Variants in SYNE2 observed in about 807,000 individuals in gnomAD.
SYNE2 encodes nesprin-2.
In SYNE2, 431 loss-of-function variants were observed where a neutral mutation model predicts 856.3. That is an observed-to-expected ratio of 0.50 (90% CI 0.47 to 0.55). The LOEUF (loss-of-function observed/expected upper bound fraction) is 0.55, where lower values mean the gene tolerates loss of function less well. Ranked by LOEUF, SYNE2 falls within the 20% of genes least tolerant of loss-of-function variation. SYNE2 has a pLI of 0.00. For missense variants in SYNE2, 8,129 were observed against 8,023.2 expected (o/e 1.01, Z -0.50); for synonymous variants, 2,923 against 2,872.3 (o/e 1.02, Z -0.56).
chr14:63,900,554 G>A (rs1338478906), intron 1 of SYNE2, among the ~76,000 whole-genome samples: 1 of 152,118 alleles, frequency 6.6e-6, no homozygotes, highest in African/African-American at 2.4e-5. Flanking sequence ...CCCCCACTAG[G>A]TTCCTCCCAT....
Position 64,191,136 on chromosome 14 carries a change from CTTATTATTTAAAT to C in SYNE2, c.18038+914_18038+926del, listed in dbSNP as rs1368496282. 5.6e-5 allele frequency: 25 copies of C among 445,478 alleles called. No individual in the cohort carries two copies. In the Admixed American group the frequency reaches 6.6e-4, roughly 12 times the overall value. The allele number at this position is 445,478 out of a possible 1,614,324, so 27.6% of individuals were successfully genotyped here. A position where few individuals can be genotyped will look rare whatever the true frequency, so the allele number is the denominator to read the frequency against. On this transcript the variant is annotated intron_variant, in intron 99 of 115. Coordinates refer to ENST00000555002, the MANE Select transcript of SYNE2 (RefSeq NM_182914.3). The stretch of plus-strand genomic sequence containing the variant: ...GGTGATAAAAGTAAGATACTTTTAT[CTTATTATTTAAAT>C]TTATTATTTAAATTAAATTTATTAT...
chr14:64,113,114 C>G (rs1170348820), intron 65 of SYNE2: 7 of 985,382 alleles, frequency 7.1e-6, no homozygotes, highest in Non-Finnish European at 8.4e-6. Flanking sequence ...TCCTCTGTGC[C>G]CGGGAATACT....
chr14:64,116,694 G>A (rs781197905), intron 66 of SYNE2, among the ~76,000 whole-genome samples: 2 of 152,292 alleles, frequency 1.3e-5, no homozygotes, highest in Non-Finnish European at 2.9e-5. Flanking sequence ...GAGATTACAG[G>A]CATGAGCCAC....
chr14:64,193,271 C>T (rs1254045756), intron 99 of SYNE2, among the ~76,000 whole-genome samples: 1 of 152,172 alleles, frequency 6.6e-6, no homozygotes, highest in Non-Finnish European at 1.5e-5. Context: ...TAAGATCGGC[C>T]AGGCATAGCG....
At chr14:64,098,929 G>T in intron 63 of SYNE2, 108 bp downstream of exon 63, 1 of 1,098,854 alleles carries the variant, frequency 9.1e-7, no homozygotes, top group Non-Finnish European at 1.3e-6. Flanking sequence ...TAAAATTAAT[G>T]TTGATATTTT....
intron 19 of SYNE2, among the ~76,000 whole-genome samples, chr14:63,987,523 G>A (rs1306263156): frequency 6.6e-6 from 1 of 152,068 alleles, no homozygotes; most frequent in East Asian, 1.9e-4. Context: ...ACAACAAGAT[G>A]GGAAGTTCCT....
chr14:63,791,943 C>CAAAAAA (rs765571108), intron 1 of SYNE2, among the ~76,000 whole-genome samples: 4 of 119,072 alleles, frequency 3.4e-5, no homozygotes, highest in African/African-American at 1.4e-4. Context: ...GACTCCGTCT[C>CAAAAAA]AAAAAAAAAA....
chr14:63,783,622 C>A (rs545895155), intron 1 of SYNE2, among the ~76,000 whole-genome samples: 1 of 152,134 alleles, frequency 6.6e-6, no homozygotes, highest in Non-Finnish European at 1.5e-5. Flanking sequence ...AAATGCATAA[C>A]CTGAATCTAA....
intron 1 of SYNE2, among the ~76,000 whole-genome samples, chr14:63,886,369 A>G (rs2094985640): frequency 6.6e-6 from 1 of 152,214 alleles, no homozygotes. Context: ...ATAATTGATT[A>G]TAATTTATAT....
At chr14:63,936,229 T>G (rs2095831421) in intron 2 of SYNE2, among the ~76,000 whole-genome samples, 1 of 152,182 alleles carries the variant, frequency 6.6e-6, no homozygotes, top group African/African-American at 2.4e-5. Flanking sequence ...TGGGCCAAGC[T>G]TTTCTAGGCA....
intron 64 of SYNE2, among the ~76,000 whole-genome samples, chr14:64,104,971 TCA>T (rs1329659133): frequency 6.6e-6 from 1 of 152,220 alleles, no homozygotes; most frequent in Non-Finnish European, 1.5e-5. Flanking sequence ...TACTAATTTC[TCA>T]GTGTCTGCTG....
At chr14:63,943,843 G>A (rs1280705854) in intron 6 of SYNE2, among the ~76,000 whole-genome samples, 1 of 151,618 alleles carries the variant, frequency 6.6e-6, no homozygotes. Flanking sequence ...GCTAATTTTT[G>A]TATTTTTAGT....
intron 23 of SYNE2, among the ~76,000 whole-genome samples, chr14:63,996,296 T>C (rs2096713518): frequency 1.3e-5 from 2 of 152,222 alleles, no homozygotes; most frequent in African/African-American, 2.4e-5. Context: ...GCCAGTTACC[T>C]AAGCCAGGGT....
chr14:63,769,867 C>T (rs1886838354), intron 1 of SYNE2, among the ~76,000 whole-genome samples: 1 of 151,948 alleles, frequency 6.6e-6, no homozygotes, highest in South Asian at 2.1e-4. Flanking sequence ...TCACTGCACT[C>T]TAGCCTGGGC....
intron 111 of SYNE2, 28 bp downstream of exon 111, chr14:64,220,665 A>G (rs1211034362): frequency 1.2e-6 from 2 of 1,611,612 alleles, no homozygotes; most frequent in South Asian, 2.2e-5. Context: ...CCCGCCTCCC[A>G]GAGCCGGTAC....
intron 51 of SYNE2, among the ~76,000 whole-genome samples, chr14:64,067,744 CCT>C (rs1273426828): frequency 1.3e-5 from 2 of 152,064 alleles, no homozygotes; most frequent in Non-Finnish European, 1.5e-5. Flanking sequence ...ATTTTACCTC[CCT>C]GTTTTCTTAA....
intron 103 of SYNE2, among the ~76,000 whole-genome samples, chr14:64,211,258 G>A (rs896481985): frequency 2.0e-5 from 3 of 152,234 alleles, no homozygotes; most frequent in Non-Finnish European, 4.4e-5. Context: ...GATCGTGGGT[G>A]TGAGCCACCA....
intron 54 of SYNE2, 144 bp from the exon 55 acceptor site, chr14:64,078,322 A>T: frequency 3.7e-6 from 3 of 820,668 alleles, no homozygotes; most frequent in Non-Finnish European, 4.0e-6. Flanking sequence ...CCTTCTCATT[A>T]ATGCATTTGC....
At chr14:63,996,482 C>T (rs2096714862) in intron 23 of SYNE2, among the ~76,000 whole-genome samples, 1 of 152,070 alleles carries the variant, frequency 6.6e-6, no homozygotes, top group African/African-American at 2.4e-5. Context: ...CCTTTAGCAT[C>T]CCTCCTGCTG....
Sources: allele counts gnomAD v4.1 joint callset (sites outside exome capture counted in the v4.1 genomes callset), GRCh38; gene constraint gnomAD v4.1.1; transcripts MANE v1.5; gene names NCBI Gene and HGNC (gene_info 2026-07-23, HGNC 2026-07-21).